Variants in CUEDC1 observed in about 807,000 individuals in gnomAD.
CUEDC1 encodes the protein CUE domain-containing protein 1.
In CUEDC1, 30 loss-of-function variants were observed where a neutral mutation model predicts 43.7. That is an observed-to-expected ratio of 0.69 (90% CI 0.51 to 0.93). CUEDC1 has a LOEUF of 0.93. Among genes scored for constraint, CUEDC1 ranks in the 40% least tolerant of loss-of-function variants. CUEDC1 has a pLI of 0.00. For synonymous variants in CUEDC1, 223 were observed against 223.6 expected, an observed-to-expected ratio of 1.00 and a Z score of 0.02; for missense variants, 486 against 549.0, an observed-to-expected ratio of 0.89 and a Z score of 1.15.
intron 1 of CUEDC1, among the ~76,000 whole-genome samples, chr17:57,934,485 A>G (rs2143172961): frequency 6.6e-6 from 1 of 151,172 alleles, no homozygotes; most frequent in East Asian, 1.9e-4. Context: ...TGAGCCCACA[A>G]ATTCCAGGTT....
Position 57,921,561 on chromosome 17 carries a change from A to G in CUEDC1, c.-316+33664T>C, listed in dbSNP as rs868368169. 8.5e-5 allele frequency among the ~76,000 whole-genome samples: 13 copies of G among 152,322 alleles called. 1 individual carries two copies. Among genetic ancestry groups the G allele is most frequent in the African/African-American group, 2.6e-4 (11 of 41,572 alleles). ...GTTCAAAACATGAAAAGAAAGGGCTATTTCTCAATGTCTGGCCCATTTGCT... is the reference window on the plus strand; with the variant it reads ...GTTCAAAACATGAAAAGAAAGGGCTGTTTCTCAATGTCTGGCCCATTTGCT... On this transcript the variant is annotated intron_variant, in intron 1 of 10. Transcript: ENST00000577830.
intron 10 of CUEDC1, among the ~76,000 whole-genome samples, chr17:57,863,865 G>T (rs112100910): frequency 1.3e-5 from 2 of 152,084 alleles, no homozygotes; most frequent in African/African-American, 4.8e-5. Context: ...GCCGGGCGGG[G>T]TGGCACGTGC....
At chr17:57,895,288 C>T (rs918353900) in intron 1 of CUEDC1, among the ~76,000 whole-genome samples, 2 of 152,194 alleles carry the variant, frequency 1.3e-5, no homozygotes, top group Non-Finnish European at 2.9e-5. Context: ...ACTCTGTATC[C>T]ATTGGGCTTG....
intron 9 of CUEDC1, 34 bp from the exon 10 acceptor site, chr17:57,866,578 C>A (rs201611613): frequency 1.2e-6 from 2 of 1,610,026 alleles, no homozygotes; most frequent in Non-Finnish European, 1.7e-6. Context: ...TCATCCTCTA[C>A]CCTGCAGGGC....
chr17:57,868,358 G>A, intron 7 of CUEDC1, 115 bp from the exon 8 acceptor site: 1 of 862,840 alleles, frequency 1.2e-6, no homozygotes, highest in Non-Finnish European at 1.9e-6. Context: ...AGGGAGCAGG[G>A]GGCAGGCAAG....
chr17:57,932,175 G>A (rs1022491784), intron 1 of CUEDC1, among the ~76,000 whole-genome samples: 2 of 151,442 alleles, frequency 1.3e-5, no homozygotes, highest in African/African-American at 4.9e-5. Flanking sequence ...CCAGCTACTC[G>A]GAAGGCTGAG....
rs1306482359 is a variant in CUEDC1, at chr17:57,954,946, AG to A, written c.-316+278del. On this transcript the variant is annotated intron_variant, in intron 1 of 10. Coordinates refer to ENST00000577830, the MANE Select transcript of CUEDC1 (RefSeq NM_001271875.2). The surrounding 1 kb of genome is among the most constrained non-coding windows in gnomAD (Gnocchi z 4.3). ...TCGCGCGCCCCGCTCCCGGCCCCCC[AG>A]ATGCCCGCACGCCCCCCGCGCCCGG... Among the ~76,000 whole-genome samples, 1 of 151,262 alleles carries A rather than the reference AG, an allele frequency of 6.6e-6. No homozygotes were observed. The highest frequency in any genetic ancestry group is 1.5e-5 in the Non-Finnish European group (1 of 67,688).
Position 57,896,313 on chromosome 17 carries a change from G to A in CUEDC1, c.-315-10434C>T, listed in dbSNP as rs73314238. 6.7e-3 allele frequency among the ~76,000 whole-genome samples: 1,025 copies of A among 152,192 alleles called. 12 individuals carry two copies. Among genetic ancestry groups the A allele is most frequent in the African/African-American group, 0.023 (972 of 41,518 alleles). On this transcript the variant is annotated intron_variant, in intron 1 of 10. Coordinates refer to ENST00000577830, the MANE Select transcript of CUEDC1 (RefSeq NM_001271875.2). ...CTGGAAACACTCTACAAGTCTACCCGTAGCAGGCTGATGAAAATATGATAC... is the reference window on the plus strand; with the variant it reads ...CTGGAAACACTCTACAAGTCTACCCATAGCAGGCTGATGAAAATATGATAC...
At chr17:57,939,220 G>GC (rs1217417445) in intron 1 of CUEDC1, among the ~76,000 whole-genome samples, 1 of 151,604 alleles carries the variant, frequency 6.6e-6, no homozygotes, top group Non-Finnish European at 1.5e-5. Context: ...GCCTGCCTTG[G>GC]CCCCCCAAAG....
At chr17:57,874,844 C>T (rs2074091295) in intron 3 of CUEDC1, among the ~76,000 whole-genome samples, 1 of 143,316 alleles carries the variant, frequency 7.0e-6, no homozygotes, top group South Asian at 2.6e-4. Flanking sequence ...TTTTCTATTT[C>T]GGGCGGGTGG....
intron 1 of CUEDC1, among the ~76,000 whole-genome samples, chr17:57,897,171 T>C (rs2074419766): frequency 6.6e-6 from 1 of 152,172 alleles, no homozygotes; most frequent in Admixed American, 6.5e-5. Flanking sequence ...ATGCATTTTC[T>C]ATATACTTGG....
intron 1 of CUEDC1, among the ~76,000 whole-genome samples, chr17:57,924,863 A>G (rs12941634): frequency 0.043 from 6,541 of 152,320 alleles, 145 homozygotes; most frequent in South Asian, 0.07. Flanking sequence ...AGAGAACCCA[A>G]ACAAATGGCT....
chr17:57,933,352 C>T (rs374048218), intron 1 of CUEDC1, among the ~76,000 whole-genome samples: 50 of 152,226 alleles, frequency 3.3e-4, no homozygotes, highest in African/African-American at 1.1e-3. Context: ...CCAAATCTCT[C>T]CAGAAGCAGG....
rs192644134 is a variant in CUEDC1, at chr17:57,930,054, C to T, written c.-316+25171G>A. Reference sequence around the variant, plus strand: ...CTGCCCTCAGGTGATCCACCCGCCTCGGCCTCCCAAAGTGCTGGGATTACA... The same window carrying T: ...CTGCCCTCAGGTGATCCACCCGCCTTGGCCTCCCAAAGTGCTGGGATTACA... On this transcript the variant is annotated intron_variant, in intron 1 of 10. Transcript: ENST00000577830. This position sits in a 1 kb window ranked among gnomAD's most constrained non-coding sequence, Gnocchi z 4.2. Among the ~76,000 whole-genome samples the T allele has an allele frequency of 0.013, 2,052 of 152,252 alleles. 48 individuals are homozygous for T. Among genetic ancestry groups the T allele is most frequent in the African/African-American group, 0.046 (1,899 of 41,516 alleles).
intron 1 of CUEDC1, among the ~76,000 whole-genome samples, chr17:57,937,152 G>C (rs1034290070): frequency 1.3e-5 from 2 of 152,042 alleles, no homozygotes; most frequent in Non-Finnish European, 2.9e-5. Context: ...TGGGCACCCT[G>C]CCATGGTTCC....
chr17:57,886,817 GTTTTT>G (rs777598269), intron 1 of CUEDC1, among the ~76,000 whole-genome samples: 1 of 118,502 alleles, frequency 8.4e-6, no homozygotes, highest in Non-Finnish European at 1.7e-5. Flanking sequence ...AATTCTGGTT[GTTTTT>G]TTTTTTTTTT....
At chr17:57,932,615 C>A (rs1303333892) in intron 1 of CUEDC1, among the ~76,000 whole-genome samples, 5 of 118,270 alleles carry the variant, frequency 4.2e-5, no homozygotes, top group Admixed American at 9.9e-5. Context: ...AAAAAAAAGT[C>A]TGTTGGAGGG....
chr17:57,939,722 C>G (rs2586085), intron 1 of CUEDC1, among the ~76,000 whole-genome samples: 5 of 152,092 alleles, frequency 3.3e-5, no homozygotes, highest in Non-Finnish European at 7.4e-5. Context: ...CAGTGGTAGA[C>G]AGCTGATCCA....
chr17:57,896,772 T>C (rs1597992311), intron 1 of CUEDC1, among the ~76,000 whole-genome samples: 1 of 140,048 alleles, frequency 7.1e-6, no homozygotes, highest in South Asian at 2.4e-4. Flanking sequence ...TCTTTCTTTT[T>C]TTTTTTTTTT....
Sources: allele counts gnomAD v4.1 joint callset (sites outside exome capture counted in the v4.1 genomes callset), GRCh38; gene constraint gnomAD v4.1.1; non-coding constraint Gnocchi (gnomAD v3.1); transcripts MANE v1.5; gene names NCBI Gene and HGNC (gene_info 2026-07-23, HGNC 2026-07-21).